Variants in GNAZ observed in about 807,000 individuals in gnomAD.
GNAZ encodes guanine nucleotide-binding protein G(z) subunit alpha.
In GNAZ, 3 loss-of-function variants were observed where a neutral mutation model predicts 25.4. That is an observed-to-expected ratio of 0.12 (90% CI 0.05 to 0.30). The LOEUF (loss-of-function observed/expected upper bound fraction) is 0.30. Ranked by LOEUF, GNAZ falls within the 10% of genes least tolerant of loss-of-function variation. The probability of loss-of-function intolerance (pLI) is 1.00; values close to 1 mark genes in which losing one functional copy is unlikely to be tolerated. For missense variants in GNAZ, 241 were observed against 501.8 expected (o/e 0.48, Z 4.97); for synonymous variants, 211 against 205.7 (o/e 1.03, Z -0.22).
chr22:23,111,640 G>C (rs552965083), intron 2 of GNAZ, among the ~76,000 whole-genome samples: 15 of 152,240 alleles, frequency 9.9e-5, no homozygotes, highest in African/African-American at 3.6e-4. Context: ...CAGGAGCTGC[G>C]GCCCAGAGCA....
At chr22:23,078,380 G>C (rs2146262055) in intron 1 of GNAZ, among the ~76,000 whole-genome samples, 1 of 152,304 alleles carries the variant, frequency 6.6e-6, no homozygotes, top group East Asian at 1.9e-4. Flanking sequence ...GCCATGCCCA[G>C]CCTTGCCCCA....
intron 2 of GNAZ, among the ~76,000 whole-genome samples, chr22:23,103,031 G>A (rs1191132419): frequency 1.3e-5 from 2 of 152,158 alleles, no homozygotes; most frequent in African/African-American, 4.8e-5. Context: ...AGTTCTCTTC[G>A]GCACCATGCC....
intron 1 of GNAZ, among the ~76,000 whole-genome samples, chr22:23,094,411 C>A (rs777184931): frequency 1.3e-5 from 2 of 152,146 alleles, no homozygotes; most frequent in African/African-American, 4.8e-5. Context: ...CCCTGACTCG[C>A]GGGGTTGGTG....
chr22:23,075,574 A>C (rs1243715122), intron 1 of GNAZ, among the ~76,000 whole-genome samples: 1 of 152,182 alleles, frequency 6.6e-6, no homozygotes, highest in Non-Finnish European at 1.5e-5. Flanking sequence ...ATTAAGGTAT[A>C]ACTCTCTTTT....
intron 1 of GNAZ, among the ~76,000 whole-genome samples, chr22:23,081,849 G>A (rs1265861285): frequency 4.9e-5 from 7 of 143,906 alleles, no homozygotes; most frequent in Non-Finnish European, 9.1e-5. Context: ...AAAAAGGCCA[G>A]GCGCAGTGGC....
chr22:23,082,903 C>G (rs1479838276), intron 1 of GNAZ, among the ~76,000 whole-genome samples: 1 of 152,116 alleles, frequency 6.6e-6, no homozygotes, highest in African/African-American at 2.4e-5. Context: ...GTCTTCCCCC[C>G]AAACCTTGCC....
chr22:23,121,148 G>C (rs1360690285), intron 2 of GNAZ, among the ~76,000 whole-genome samples: 1 of 152,212 alleles, frequency 6.6e-6, no homozygotes, highest in African/African-American at 2.4e-5. Context: ...ATGAGATCTT[G>C]TGTGTTGCTT....
intron 1 of GNAZ, among the ~76,000 whole-genome samples, chr22:23,089,169 A>T (rs2068893514): frequency 6.6e-6 from 1 of 152,170 alleles, no homozygotes; most frequent in East Asian, 1.9e-4. Flanking sequence ...AGGCACAGTG[A>T]TGAGGGAGCT....
At chr22:23,085,790 G>A (rs2068801628) in intron 1 of GNAZ, among the ~76,000 whole-genome samples, 1 of 152,230 alleles carries the variant, frequency 6.6e-6, no homozygotes, top group South Asian at 2.1e-4. Context: ...CAGAGCAGGG[G>A]GCTGCAACAC....
intron 1 of GNAZ, among the ~76,000 whole-genome samples, chr22:23,084,013 C>A (rs1373005074): frequency 1.3e-5 from 2 of 152,080 alleles, no homozygotes; most frequent in African/African-American, 4.8e-5. Flanking sequence ...GAGGCAGGAA[C>A]CTTGCTTCTT....
chr22:23,079,211 A>G (rs2068601751), intron 1 of GNAZ, among the ~76,000 whole-genome samples: 1 of 152,264 alleles, frequency 6.6e-6, no homozygotes, highest in Non-Finnish European at 1.5e-5. Context: ...TGCTTGGGGC[A>G]AGGCAGCACA....
intron 1 of GNAZ, among the ~76,000 whole-genome samples, chr22:23,084,077 G>A (rs1164840257): frequency 1.3e-5 from 2 of 152,140 alleles, no homozygotes; most frequent in African/African-American, 4.8e-5. Flanking sequence ...TTCCCCAGAG[G>A]GCAGTTCCTG....
chr22:23,092,039 G>A (rs998468035), intron 1 of GNAZ, among the ~76,000 whole-genome samples: 4 of 152,198 alleles, frequency 2.6e-5, no homozygotes, highest in African/African-American at 9.6e-5. Flanking sequence ...TTCTAGCCAT[G>A]CCCAGAGGCA....
chr22:23,104,439 C>A (rs1271693676), intron 2 of GNAZ, among the ~76,000 whole-genome samples: 2 of 152,206 alleles, frequency 1.3e-5, no homozygotes, highest in African/African-American at 4.8e-5. Flanking sequence ...AGCTTCAGGG[C>A]AGAGCTGCTT....
chr22:23,089,576 A>G (rs4822354), intron 1 of GNAZ, among the ~76,000 whole-genome samples: 3 of 151,980 alleles, frequency 2.0e-5, no homozygotes, highest in African/African-American at 7.3e-5. Context: ...ATGACCATGT[A>G]CCCATCCTGA....
rs2070099282 is a variant in GNAZ at position 23,123,831 on chromosome 22, C to A, written c.*400C>A. ...GCAGGGCTGAGGCAAGGTAGGCCAA[C>A]TGCACCCCTGTCGCCTGGAGGAGGG... On this transcript the variant is annotated 3_prime_UTR_variant, in exon 3 of 3. Transcript: ENST00000615612. 4.3e-6 allele frequency: 1 copy of A among 234,920 alleles called. No individual in the cohort carries two copies. Among genetic ancestry groups the A allele is most frequent in the African/African-American group, 2.2e-5 (1 of 44,480 alleles). The allele number at this position is 234,920 out of a possible 1,614,324, so 14.6% of individuals were successfully genotyped here.
At chr22:23,112,084 G>C (rs1228491797) in intron 2 of GNAZ, among the ~76,000 whole-genome samples, 1 of 152,170 alleles carries the variant, frequency 6.6e-6, no homozygotes, top group East Asian at 1.9e-4. Context: ...ATTCATGCAG[G>C]GACCAGGAGG....
chr22:23,104,790 G>A (rs1258810111), intron 2 of GNAZ, among the ~76,000 whole-genome samples: 2 of 152,194 alleles, frequency 1.3e-5, no homozygotes, highest in Non-Finnish European at 2.9e-5. Context: ...GCAGCAGCAA[G>A]GCTCTGTGCT....
chr22:23,106,899 T>C (rs1289770356), intron 2 of GNAZ, among the ~76,000 whole-genome samples: 3 of 152,174 alleles, frequency 2.0e-5, no homozygotes, highest in African/African-American at 7.2e-5. Flanking sequence ...CAGCCACCCT[T>C]GCCATTACTA....
Sources: gnomAD v4.1 joint callset for allele counts (sites outside exome capture counted in the v4.1 genomes callset) on GRCh38, gnomAD v4.1.1 for gene constraint, MANE v1.5 for transcripts, NCBI Gene and HGNC (gene_info 2026-07-23, HGNC 2026-07-21) for gene names.